Variants in TESC observed in about 807,000 individuals in gnomAD.
TESC encodes the protein tescalcin.
TESC carries 19 observed loss-of-function variants against 31.0 expected under a neutral mutation model. The ratio of observed to expected loss-of-function variants is 0.61; its 90% confidence interval spans 0.43 to 0.90. The LOEUF (loss-of-function observed/expected upper bound fraction) is 0.90. Among genes scored for constraint, TESC ranks in the 40% least tolerant of loss-of-function variants. The pLI, the probability that TESC is intolerant of heterozygous loss-of-function variation, is 0.00. For missense variants in TESC, 248 were observed against 303.8 expected (o/e 0.82, Z 1.36); for synonymous variants, 109 against 114.8 (o/e 0.95, Z 0.32).
intron 3 of TESC, 80 bp downstream of exon 3, chr12:117,056,726 A>T: frequency 1.4e-6 from 2 of 1,479,916 alleles, no homozygotes; most frequent in Non-Finnish European, 1.9e-6. Flanking sequence ...TCAAAGGGTC[A>T]TTCTAGGAAA....
chr12:117,040,728 G>A (rs937426746), intron 7 of TESC, among the ~76,000 whole-genome samples: 3 of 152,162 alleles, frequency 2.0e-5, no homozygotes, highest in Non-Finnish European at 2.9e-5. Flanking sequence ...GGGGCCTGCC[G>A]ACCTCCGCAG....
At chr12:117,092,907 G>A (rs1955332632) in intron 1 of TESC, among the ~76,000 whole-genome samples, 1 of 152,186 alleles carries the variant, frequency 6.6e-6, no homozygotes. Flanking sequence ...CCCTAACAAG[G>A]GCAGAGGGCC....
chr12:117,043,228 C>T (rs920077245), intron 6 of TESC, among the ~76,000 whole-genome samples: 1 of 151,902 alleles, frequency 6.6e-6, no homozygotes, highest in African/African-American at 2.4e-5. Context: ...AAATAAAAGA[C>T]ATGCATGTAT....
At chr12:117,075,939 A>ATATG (rs1565971757) in intron 1 of TESC, among the ~76,000 whole-genome samples, 3 of 103,994 alleles carry the variant, frequency 2.9e-5, no homozygotes, top group African/African-American at 1.4e-4. Context: ...ATATATATAT[A>ATATG]TGTATATATA....
intron 2 of TESC, among the ~76,000 whole-genome samples, chr12:117,074,607 G>C (rs1034581696): frequency 6.6e-6 from 1 of 152,046 alleles, no homozygotes; most frequent in African/African-American, 2.4e-5. Context: ...CCCCTAAGTC[G>C]GGCTGCACCA....
At chr12:117,084,011 T>C (rs1158058072) in intron 1 of TESC, 2 of 151,874 alleles carry the variant, frequency 1.3e-5, no homozygotes, top group African/African-American at 4.8e-5. Flanking sequence ...GGAGAATCGT[T>C]TGAACCCAGG....
intron 5 of TESC, 34 bp from the exon 6 acceptor site, chr12:117,046,700 G>A: frequency 1.3e-6 from 2 of 1,552,392 alleles, no homozygotes; most frequent in Non-Finnish European, 1.7e-6. Context: ...CGGTGACCTT[G>A]GGCCTCCATC....
chr12:117,040,338 G>A (rs1175068133), intron 7 of TESC, among the ~76,000 whole-genome samples: 1 of 152,174 alleles, frequency 6.6e-6, no homozygotes, highest in Non-Finnish European at 1.5e-5. Context: ...GTGGCAACAT[G>A]GTCGCTGAGG....
intron 1 of TESC, among the ~76,000 whole-genome samples, chr12:117,097,897 T>A (rs990815640): frequency 6.6e-6 from 1 of 152,162 alleles, no homozygotes; most frequent in South Asian, 2.1e-4. Flanking sequence ...GGATCCTTTT[T>A]TAAAAAACAG....
intron 2 of TESC, among the ~76,000 whole-genome samples, chr12:117,062,098 A>G (rs1954806868): frequency 6.6e-6 from 1 of 152,202 alleles, no homozygotes; most frequent in Non-Finnish European, 1.5e-5. Context: ...AGTAGTAATA[A>G]TAATAATGTA....
Sources: gnomAD v4.1 joint callset for allele counts (sites outside exome capture counted in the v4.1 genomes callset) on GRCh38, gnomAD v4.1.1 for gene constraint, MANE v1.5 for transcripts, NCBI Gene and HGNC (gene_info 2026-07-23, HGNC 2026-07-21) for gene names.